Variants in SHTN1 observed in about 807,000 individuals in gnomAD.
The protein encoded by SHTN1 is shootin-1.
In SHTN1, 42 loss-of-function variants were observed where a neutral mutation model predicts 83.1. The ratio of observed to expected loss-of-function variants is 0.51; its 90% CI spans 0.39 to 0.65. SHTN1 has a LOEUF of 0.65. Among genes scored for constraint, SHTN1 ranks in the 30% least tolerant of loss-of-function variants. The probability of loss-of-function intolerance (pLI) is 0.00; values close to 1 mark genes in which losing one functional copy is unlikely to be tolerated. For synonymous variants in SHTN1, 224 were observed against 247.7 expected (o/e 0.90, Z 0.90); for missense variants, 622 against 737.8 (o/e 0.84, Z 1.82).
intron 2 of SHTN1, among the ~76,000 whole-genome samples, chr10:117,024,758 A>G (rs1313886425): frequency 2.6e-5 from 4 of 152,230 alleles, no homozygotes; most frequent in African/African-American, 9.6e-5. Flanking sequence ...AATATACTGA[A>G]GTCTTCAACT....
At chr10:117,105,212 G>C (rs1853654904) in intron 1 of SHTN1, among the ~76,000 whole-genome samples, 1 of 151,788 alleles carries the variant, frequency 6.6e-6, no homozygotes, top group African/African-American at 2.4e-5. Flanking sequence ...CTCTCTGAAG[G>C]AAGAGCCTGA....
At chr10:117,052,022 A>ATATATATATATATATATATAT (rs1237393233) in intron 1 of SHTN1, among the ~76,000 whole-genome samples, 11 of 138,730 alleles carry the variant, frequency 7.9e-5, no homozygotes, top group African/African-American at 1.6e-4. Context: ...ATATATATAT[A>ATATATATATATATATATATAT]GAAAAGCCTA....
chr10:117,053,487 A>G (rs1852778341), intron 1 of SHTN1, among the ~76,000 whole-genome samples: 1 of 152,200 alleles, frequency 6.6e-6, no homozygotes, highest in Admixed American at 6.5e-5. Context: ...ATGATATACA[A>G]ATGGCTTACA....
At chr10:116,898,262 A>G (rs148033509) in intron 16 of SHTN1, among the ~76,000 whole-genome samples, 2 of 151,960 alleles carry the variant, frequency 1.3e-5, no homozygotes, top group African/African-American at 4.8e-5. Flanking sequence ...TGGGTGGCGG[A>G]GGTTGCAGTG....
At chr10:116,991,246 T>C (rs1422909786) in intron 1 of SHTN1, among the ~76,000 whole-genome samples, 3 of 152,192 alleles carry the variant, frequency 2.0e-5, no homozygotes, top group Non-Finnish European at 2.9e-5. Flanking sequence ...GTAGTTTTCG[T>C]ATTGAGTCAC....
intron 12 of SHTN1, among the ~76,000 whole-genome samples, chr10:116,916,564 C>T (rs1848391309): frequency 6.6e-6 from 1 of 152,176 alleles, no homozygotes; most frequent in Admixed American, 6.5e-5. Context: ...GACTAAACCC[C>T]AAAAGGCTGG....
chr10:116,930,097 G>A (rs766617866), intron 9 of SHTN1, 95 bp from the exon 10 acceptor site: 1 of 725,382 alleles, frequency 1.4e-6, no homozygotes, highest in South Asian at 2.5e-5. Context: ...CCCTTTGACT[G>A]TACTTCATAG....
intron 1 of SHTN1, among the ~76,000 whole-genome samples, chr10:117,102,015 A>AAAG (rs540637238): frequency 1.5e-4 from 23 of 151,802 alleles, no homozygotes; most frequent in South Asian, 4.2e-4. Flanking sequence ...AGAAAAAAAA[A>AAAG]AAGAAGAAGA....
chr10:116,886,666 CT>C lies in SHTN1; in HGVS notation c.1674-101del, dbSNP rs1460916757. ...AGACTAACATAAAACCCAAAATGTT[CT>C]AAGTCTAATCAACATGCATATAGTA... On this transcript the variant is annotated intron_variant, in intron 16 of 16. Transcript: ENST00000355371. The C allele has an allele frequency of 1.1e-5, 16 of 1,509,322 alleles. No individual in the cohort carries two copies. In the Admixed American group the frequency reaches 3.1e-4, roughly 29 times the overall value. 93.5% of individuals were successfully genotyped at this position (1,509,322 alleles called of 1,614,324 possible). A position where few individuals can be genotyped will look rare whatever the true frequency, so the allele number is the denominator to read the frequency against.
Position 117,112,739 on chromosome 10 carries a change from A to C in SHTN1, c.-189+13568T>G, listed in dbSNP as rs140598827. ...CCAAATTAGGGAAAAGTTCAAATTA[A>C]AATTTCTCTTCCTAACTCCCTTCAT... On this transcript the variant is annotated intron_variant, in intron 1 of 17. Coordinates refer to the SHTN1 transcript ENST00000392901. 3.9e-3 allele frequency among the ~76,000 whole-genome samples: 594 copies of C among 152,306 alleles called. 5 individuals carry two copies. The highest frequency in any genetic ancestry group is 0.013 in the African/African-American group (561 of 41,560).
At chr10:116,913,279 T>C (rs1175110794) in intron 13 of SHTN1, among the ~76,000 whole-genome samples, 1 of 152,210 alleles carries the variant, frequency 6.6e-6, no homozygotes, top group Non-Finnish European at 1.5e-5. Flanking sequence ...AATGTCGCCA[T>C]TTGTGACATT....
chr10:117,106,208 G>A (rs1290791153), intron 1 of SHTN1, among the ~76,000 whole-genome samples: 1 of 151,826 alleles, frequency 6.6e-6, no homozygotes, highest in Admixed American at 6.6e-5. Flanking sequence ...TGTAATCCCA[G>A]CACTTTGGGA....
intron 16 of SHTN1, chr10:116,901,158 A>C: frequency 1.0e-6 from 1 of 985,424 alleles, no homozygotes; most frequent in South Asian, 4.7e-5. Context: ...GACTAATTTC[A>C]AAAAAGAGCT....
At chr10:116,907,790 T>C (rs1344837864) in intron 14 of SHTN1, 1 of 470,170 alleles carries the variant, frequency 2.1e-6, no homozygotes, top group Admixed American at 2.3e-5. Context: ...CTGGTATAAC[T>C]TGCCAGACTT....
intron 9 of SHTN1, 109 bp downstream of exon 9, chr10:116,940,357 T>G (rs1490795701): frequency 8.8e-7 from 1 of 1,139,880 alleles, no homozygotes; most frequent in Non-Finnish European, 1.2e-6. Flanking sequence ...AGGCAAAATA[T>G]GAAACAGTAA....
intron 2 of SHTN1, among the ~76,000 whole-genome samples, chr10:117,026,344 G>A (rs866835887): frequency 2.6e-5 from 4 of 152,226 alleles, no homozygotes; most frequent in Non-Finnish European, 4.4e-5. Context: ...TTGGAAAGGA[G>A]CAGAAAGAGT....
intron 1 of SHTN1, among the ~76,000 whole-genome samples, chr10:116,984,096 T>C (rs1013861607): frequency 2.0e-5 from 3 of 152,034 alleles, no homozygotes; most frequent in Non-Finnish European, 4.4e-5. Flanking sequence ...TGTCTGGGAT[T>C]TTGTCAGTTT....
rs371369459 is a variant in SHTN1, at chr10:117,061,314, A to G, written c.-188-12804T>C. 6.0e-5 allele frequency among the ~76,000 whole-genome samples: 9 copies of G among 150,454 alleles called. No individual in the cohort carries two copies. In the East Asian group the frequency reaches 8.0e-4, roughly 13 times the overall value. The stretch of plus-strand genomic sequence containing the variant: ...CGCGTTCAAGCGATTCTCCTGCCTC[A>G]GCCTCCCGAGTAGCTGGGATTACAG... On this transcript the variant is annotated intron_variant, in intron 1 of 17. Coordinates refer to the SHTN1 transcript ENST00000392901.
intron 9 of SHTN1, among the ~76,000 whole-genome samples, chr10:116,935,613 A>G (rs1012477532): frequency 2.6e-4 from 40 of 152,010 alleles, no homozygotes; most frequent in African/African-American, 9.2e-4. Context: ...CAGGGGTATT[A>G]GCCTGAAATT....
Sources: gnomAD v4.1 joint callset for allele counts (sites outside exome capture counted in the v4.1 genomes callset) on GRCh38, gnomAD v4.1.1 for gene constraint, MANE v1.5 for transcripts, NCBI Gene and HGNC (gene_info 2026-07-23, HGNC 2026-07-21) for gene names.